Variants in WASL observed in about 807,000 individuals in gnomAD.
The protein encoded by WASL is WASP like actin nucleation promoting factor.
A neutral mutation model predicts 55.5 loss-of-function variants in WASL; 20 were observed. The observed-to-expected ratio is 0.36, with a 90% confidence interval of 0.25 to 0.52. The LOEUF (loss-of-function observed/expected upper bound fraction) is 0.52, where lower values mean the gene tolerates loss of function less well. Ranked by LOEUF, WASL falls within the 20% of genes least tolerant of loss-of-function variation. WASL has a pLI of 0.92. For synonymous variants in WASL, 249 were observed against 217.6 expected (o/e 1.14, Z -1.27); for missense variants, 504 against 622.5 (o/e 0.81, Z 2.03).
At chr7:123,747,616 G>C (rs938610487) in intron 1 of WASL, among the ~76,000 whole-genome samples, 2 of 152,120 alleles carry the variant, frequency 1.3e-5, no homozygotes, top group Non-Finnish European at 2.9e-5. Context: ...TGTTTTCTGG[G>C]TTCCAGTGGC....
In WASL at chr7:123,682,596, T is replaced by C. The variant is rs1274188292; in HGVS notation, c.*1923A>G. ...GCCACAAGTTAAGAGAGATCTTAAA[T>C]TGGCATTACCCTGAAGACATTTCTA... On this transcript the variant is annotated 3_prime_UTR_variant, in exon 11 of 11. Coordinates refer to ENST00000223023, the MANE Select transcript of WASL (RefSeq NM_003941.4). The C allele has an allele frequency of 1.3e-5, 2 of 152,140 alleles. No homozygotes were observed. Among genetic ancestry groups the C allele is most frequent in the African/African-American group, 2.4e-5 (1 of 41,444 alleles). The allele number at this position is 152,140 out of a possible 1,614,324, so 9.4% of individuals were successfully genotyped here.
At chr7:123,747,452 A>G (rs1483511062) in intron 1 of WASL, among the ~76,000 whole-genome samples, 2 of 152,230 alleles carry the variant, frequency 1.3e-5, no homozygotes, top group Non-Finnish European at 2.9e-5. Flanking sequence ...CACAAGATAC[A>G]AAGGGTGGAC....
intron 5 of WASL, among the ~76,000 whole-genome samples, chr7:123,702,039 TAGAA>T (rs900840006): frequency 2.0e-5 from 3 of 151,928 alleles, no homozygotes; most frequent in African/African-American, 7.2e-5. Flanking sequence ...GGCCAACTCA[TAGAA>T]AGAAACTACA....
At chr7:123,694,685 A>T in intron 8 of WASL, 30 bp downstream of exon 8, 9 of 1,608,478 alleles carry the variant, frequency 5.6e-6, no homozygotes, top group Non-Finnish European at 7.6e-6. Flanking sequence ...ATTAAAACAA[A>T]ACAGAACGCT....
chr7:123,683,811 AC>A lies in WASL; in HGVS notation c.*707del, dbSNP rs1803241069. ...CTAAAAAGAGCCTGTCACATTTGCT[AC>A]AGCATAAAAATAACCCCAGTCAATA... On this transcript the variant is annotated 3_prime_UTR_variant, in exon 11 of 11. Transcript: ENST00000223023. 6.6e-6 allele frequency: 1 copy of A among 152,046 alleles called. No individual in the cohort carries two copies. The highest frequency in any genetic ancestry group is 6.6e-5 in the Admixed American group (1 of 15,244). The allele number at this position is 152,046 out of a possible 1,614,324, so 9.4% of individuals were successfully genotyped here. A position where few individuals can be genotyped will look rare whatever the true frequency, so the allele number is the denominator to read the frequency against.
chr7:123,748,846 A>T lies in WASL; in HGVS notation c.-112T>A. 1 of 843,038 alleles carries T rather than the reference A, an allele frequency of 1.2e-6. No individual in the cohort carries two copies. Among genetic ancestry groups the T allele is most frequent in the Non-Finnish European group, 1.8e-6 (1 of 566,688 alleles). The allele number at this position is 843,038 out of a possible 1,614,324, so 52.2% of individuals were successfully genotyped here. ...GGAGAAGTGGAGTCAGAGGCGCCAC[A>T]TCTCGCAGCTCCTCCGGAGCGGGGA... On this transcript the variant is annotated 5_prime_UTR_variant, in exon 1 of 11. It removes an upstream start codon present in the reference 5' UTR. Transcript: ENST00000223023.
intron 5 of WASL, among the ~76,000 whole-genome samples, chr7:123,700,200 AAAAAAAACAAC>A (rs1234718822): frequency 5.5e-4 from 64 of 115,936 alleles, no homozygotes; most frequent in African/African-American, 2.0e-3. Flanking sequence ...AAAAAAAAAA[AAAAAAAACAAC>A]ATTATTTAAG....
chr7:123,723,889 G>C (rs1371119092), intron 1 of WASL, among the ~76,000 whole-genome samples: 2 of 152,156 alleles, frequency 1.3e-5, no homozygotes, highest in Non-Finnish European at 2.9e-5. Context: ...TTGTACAAAA[G>C]AAGCTTAGCT....
chr7:123,688,997 ACT>A (rs780403025), intron 10 of WASL, 43 bp downstream of exon 10: 4 of 1,432,602 alleles, frequency 2.8e-6, no homozygotes, highest in Admixed American at 1.8e-5. Context: ...ACACACGCAC[ACT>A]CTCTCTGTCT....
At chr7:123,722,509 G>T (rs1381233481) in intron 1 of WASL, among the ~76,000 whole-genome samples, 1 of 152,142 alleles carries the variant, frequency 6.6e-6, no homozygotes, top group East Asian at 1.9e-4. Flanking sequence ...AACCTAAAAA[G>T]GAGATATGTT....
chr7:123,718,474 C>T (rs1158876942), intron 1 of WASL, among the ~76,000 whole-genome samples: 3 of 152,046 alleles, frequency 2.0e-5, no homozygotes, highest in African/African-American at 7.3e-5. Context: ...CAAAAAAACA[C>T]AAAAACACTA....
At chr7:123,686,192 ATTAT>A (rs1298491297) in intron 10 of WASL, among the ~76,000 whole-genome samples, 1 of 151,612 alleles carries the variant, frequency 6.6e-6, no homozygotes. Context: ...TAAAACGATA[ATTAT>A]TTATTATTTA....
chr7:123,748,272 A>G (rs1445110499), intron 1 of WASL, among the ~76,000 whole-genome samples: 1 of 152,122 alleles, frequency 6.6e-6, no homozygotes, highest in African/African-American at 2.4e-5. Context: ...AAGGGCCCAG[A>G]TTCTAGGACC....
intron 1 of WASL, 91 bp from the exon 2 acceptor site, chr7:123,709,314 T>A (rs1803720065): frequency 9.4e-7 from 1 of 1,067,852 alleles, no homozygotes; most frequent in Non-Finnish European, 1.3e-6. Context: ...ACCACCCAGC[T>A]AAGCTGCTCC....
chr7:123,685,737 G>C (rs1248560887), intron 10 of WASL, among the ~76,000 whole-genome samples: 2 of 151,262 alleles, frequency 1.3e-5, no homozygotes, highest in African/African-American at 2.4e-5. Flanking sequence ...GGAATATTTA[G>C]TTATCAGATT....
rs2116784672 is a variant in WASL, at chr7:123,704,614, A to G, written c.460+20T>C. ...TGTCATCTAAAATCTTAAAAGATTA[A>G]TAATTGTCAAAAAGCTTACCATTTG... On this transcript the variant is annotated intron_variant, in intron 5 of 10. Coordinates refer to ENST00000223023, the MANE Select transcript of WASL (RefSeq NM_003941.4). The G allele has an allele frequency of 1.3e-6, 2 of 1,509,372 alleles. No homozygotes were observed. Among genetic ancestry groups the G allele is most frequent in the East Asian group, 2.3e-5 (1 of 43,116 alleles). 93.5% of individuals were successfully genotyped at this position (1,509,372 alleles called of 1,614,324 possible).
intron 5 of WASL, among the ~76,000 whole-genome samples, chr7:123,701,945 T>TAAAAAA (rs11413491): frequency 6.7e-6 from 1 of 148,704 alleles, no homozygotes; most frequent in Non-Finnish European, 1.5e-5. Flanking sequence ...ACAACACTAT[T>TAAAAAA]AAAAAAAAAA....
chr7:123,727,650 G>A (rs1804073516), intron 1 of WASL, among the ~76,000 whole-genome samples: 1 of 152,152 alleles, frequency 6.6e-6, no homozygotes, highest in South Asian at 2.1e-4. Context: ...GAAGATAGGA[G>A]AGAGGCAGGA....
chr7:123,696,875 T>C (rs1803501696), intron 5 of WASL, 128 bp from the exon 6 acceptor site: 1 of 696,444 alleles, frequency 1.4e-6, no homozygotes, highest in Non-Finnish European at 2.0e-6. Flanking sequence ...TATTTTAAAC[T>C]TCTACATTTT....
Sources: gnomAD v4.1 joint callset for allele counts (sites outside exome capture counted in the v4.1 genomes callset) on GRCh38, gnomAD v4.1.1 for gene constraint, MANE v1.5 for transcripts, NCBI Gene and HGNC (gene_info 2026-07-23, HGNC 2026-07-21) for gene names.